CPNE5: variants seen among roughly 807,000 people sequenced by gnomAD.
CPNE5 encodes copine 5.
Under a neutral mutation model 81.1 loss-of-function variants are expected in CPNE5, and 42 were observed. The observed-to-expected ratio is 0.52, with a 90% confidence interval of 0.40 to 0.67. The LOEUF (loss-of-function observed/expected upper bound fraction) is 0.67, where lower values mean the gene tolerates loss of function less well. Ranked by LOEUF, CPNE5 falls within the 30% of genes least tolerant of loss-of-function variation. The pLI, the probability that CPNE5 is intolerant of heterozygous loss-of-function variation, is 0.00. For synonymous variants in CPNE5, 313 were observed against 321.5 expected (o/e 0.97, Z 0.28); for missense variants, 612 against 815.5 (o/e 0.75, Z 3.04).
chr6:36,794,549 A>C, intron 7 of CPNE5, 41 bp downstream of exon 7: 1 of 1,592,146 alleles, frequency 6.3e-7, no homozygotes, highest in Non-Finnish European at 8.6e-7. Context: ...AGCTGGCTGA[A>C]TGTCTAAGGA....
chr6:36,759,313 C>T (rs1765792093), intron 12 of CPNE5, among the ~76,000 whole-genome samples: 1 of 152,118 alleles, frequency 6.6e-6, no homozygotes, highest in Non-Finnish European at 1.5e-5. Context: ...TCTCCAGCCC[C>T]GCCACGGTGA....
In CPNE5 at chr6:36,796,962, G is replaced by A. The variant is rs148054374; in HGVS notation, c.404+1203C>T. On this transcript the variant is annotated intron_variant, in intron 6 of 20. Coordinates refer to ENST00000244751, the MANE Select transcript of CPNE5 (RefSeq NM_020939.2). The stretch of plus-strand genomic sequence containing the variant: ...GTCTCACTCTGTTGCCCAGGTTGGA[G>A]TACAGTAGCCCAATCTCGGCTCACT... Among the ~76,000 whole-genome samples, 1,122 of 152,272 alleles carry A rather than the reference G, an allele frequency of 7.4e-3. 11 individuals carry two copies. The highest frequency in any genetic ancestry group is 0.034 in the Middle Eastern group (10 of 294).
intron 10 of CPNE5, among the ~76,000 whole-genome samples, chr6:36,771,060 T>C (rs148633129): frequency 9.9e-5 from 15 of 152,206 alleles, no homozygotes; most frequent in African/African-American, 3.4e-4. Context: ...GGTCTTCCTC[T>C]TCCTTCTTGC....
intron 3 of CPNE5, among the ~76,000 whole-genome samples, chr6:36,806,593 C>T (rs77801201): frequency 0.057 from 8,655 of 152,252 alleles, 324 homozygotes; most frequent in East Asian, 0.14. Context: ...TGAGAGAAAT[C>T]TCTTCATTAA....
chr6:36,838,346 C>A (rs951920780), intron 1 of CPNE5, among the ~76,000 whole-genome samples: 2 of 152,184 alleles, frequency 1.3e-5, no homozygotes, highest in Non-Finnish European at 2.9e-5. Context: ...TGTGGGGGAA[C>A]CTCAAAGTGG....
Position 36,798,310 on chromosome 6 carries a change from C to T in CPNE5, c.328-69G>A, listed in dbSNP as rs765849172. ...CTCACAGCTATCCCACCTCCCCCAT[C>T]GCCCAATTCCTGGAAGCGTGAGGGC... On this transcript the variant is annotated intron_variant, in intron 5 of 20. Coordinates refer to ENST00000244751, the MANE Select transcript of CPNE5 (RefSeq NM_020939.2). The T allele has an allele frequency of 1.4e-4, 218 of 1,530,456 alleles. 1 individual carries two copies. Among genetic ancestry groups the T allele is most frequent in the Non-Finnish European group, 1.8e-4 (195 of 1,108,358 alleles). The allele number at this position is 1,530,456 out of a possible 1,614,324, so 94.8% of individuals were successfully genotyped here.
chr6:36,783,456 T>C lies in CPNE5; in HGVS notation c.529-4499A>G, dbSNP rs916541779. Among the ~76,000 whole-genome samples the C allele has an allele frequency of 8.6e-5, 13 of 151,996 alleles. No homozygotes were observed. In the South Asian group the frequency reaches 1.9e-3, roughly 22 times the overall value. ...ATATAATGTTATATGTATTAATTCA[T>C]TGAATCCTTTCGACAACCCTATGAG... On this transcript the variant is annotated intron_variant, in intron 8 of 20. Transcript: ENST00000244751.
chr6:36,835,374 G>A (rs1259684468), intron 1 of CPNE5, among the ~76,000 whole-genome samples: 1 of 152,210 alleles, frequency 6.6e-6, no homozygotes, highest in South Asian at 2.1e-4. Context: ...TCTAGAACAG[G>A]CCATCAGAGG....
chr6:36,780,818 C>T (rs1466856085), intron 8 of CPNE5, among the ~76,000 whole-genome samples: 1 of 152,150 alleles, frequency 6.6e-6, no homozygotes, highest in Non-Finnish European at 1.5e-5. Context: ...CACTTTACAC[C>T]CCTTATCATA....
chr6:36,831,025 G>A (rs1440438317), intron 1 of CPNE5, among the ~76,000 whole-genome samples: 3 of 151,858 alleles, frequency 2.0e-5, no homozygotes, highest in Non-Finnish European at 2.9e-5. Context: ...TTCTCTTCAC[G>A]ATGACCAGAA....
In CPNE5 at chr6:36,749,940, G is replaced by A. The variant is rs149142599; in HGVS notation, c.972-1673C>T. 1.3e-3 allele frequency among the ~76,000 whole-genome samples: 196 copies of A among 152,326 alleles called. 2 individuals carry two copies. The highest frequency in any genetic ancestry group is 4.4e-3 in the African/African-American group (184 of 41,572). ...GACAGAACAAAGCTGACAAACACAA[G>A]TCCCTGATAAAGTCTAGTCTTATGG... On this transcript the variant is annotated intron_variant, in intron 14 of 20. Coordinates refer to ENST00000244751, the MANE Select transcript of CPNE5 (RefSeq NM_020939.2).
chr6:36,743,778 T>C lies in CPNE5; in HGVS notation c.1490-16A>G. On this transcript the variant is annotated splice_polypyrimidine_tract_variant and intron_variant, in intron 19 of 20. Transcript: ENST00000244751. ...TCCACCATGGCTGTGAGGGGAGGAGTGTCATGGGGCGGGGTGAGATTAACG... is the reference window on the plus strand; with the variant it reads ...TCCACCATGGCTGTGAGGGGAGGAGCGTCATGGGGCGGGGTGAGATTAACG... 6.2e-7 allele frequency: 1 copy of C among 1,607,206 alleles called. No homozygotes were observed.
chr6:36,764,936 T>G (rs1347908927), intron 11 of CPNE5, among the ~76,000 whole-genome samples: 1 of 150,618 alleles, frequency 6.6e-6, no homozygotes, highest in African/African-American at 2.4e-5. Context: ...AGCCCGAGTC[T>G]TCACGCGGAA....
chr6:36,783,127 A>C (rs1749750043), intron 8 of CPNE5, among the ~76,000 whole-genome samples: 1 of 152,066 alleles, frequency 6.6e-6, no homozygotes, highest in Admixed American at 6.6e-5. Context: ...AATTGCCAAT[A>C]ATCAGCTGTT....
At chr6:36,744,234 A>G in intron 19 of CPNE5, 34 bp downstream of exon 19, 1 of 1,547,998 alleles carries the variant, frequency 6.5e-7, no homozygotes, top group Non-Finnish European at 8.8e-7. Context: ...GTGGCTAGGG[A>G]AGGAAAGGAG....
At chr6:36,794,370 C>A (rs1268170996) in intron 7 of CPNE5, among the ~76,000 whole-genome samples, 1 of 152,126 alleles carries the variant, frequency 6.6e-6, no homozygotes, top group Non-Finnish European at 1.5e-5. Context: ...GATGCCCAAG[C>A]TCTAGCTTGG....
chr6:36,744,707 C>A (rs1246971455), intron 18 of CPNE5, among the ~76,000 whole-genome samples: 1 of 152,162 alleles, frequency 6.6e-6, no homozygotes, highest in East Asian at 1.9e-4. Context: ...AAGGGGGAAG[C>A]GGTCCTAGAG....
chr6:36,813,753 G>A (rs1393147755), intron 3 of CPNE5, among the ~76,000 whole-genome samples: 1 of 152,110 alleles, frequency 6.6e-6, no homozygotes. Flanking sequence ...TGCACTTGCT[G>A]TTCCCTCCAC....
chr6:36,772,479 T>A (rs1376627527), intron 10 of CPNE5, among the ~76,000 whole-genome samples: 2 of 152,216 alleles, frequency 1.3e-5, no homozygotes, highest in Non-Finnish European at 2.9e-5. Flanking sequence ...CCCAGTCTTA[T>A]TTTGTGCACT....
Sources: gnomAD v4.1 joint callset for allele counts (sites outside exome capture counted in the v4.1 genomes callset) on GRCh38, gnomAD v4.1.1 for gene constraint, MANE v1.5 for transcripts, NCBI Gene and HGNC (gene_info 2026-07-23, HGNC 2026-07-21) for gene names.